ACADL: variants seen among roughly 807,000 people sequenced by gnomAD.
ACADL encodes acyl-CoA dehydrogenase long chain.
ACADL carries 60 observed loss-of-function variants against 56.9 expected under a neutral mutation model. The ratio of observed to expected loss-of-function variants is 1.05; its 90% CI spans 0.86 to 1.31. ACADL has a LOEUF of 1.31. Ranked by LOEUF, ACADL falls within the 50% of genes most tolerant of loss-of-function variation. The pLI, the probability that ACADL is intolerant of heterozygous loss-of-function variation, is 0.00. For synonymous variants in ACADL, 158 were observed against 179.7 expected (o/e 0.88, Z 0.97); for missense variants, 484 against 525.5 (o/e 0.92, Z 0.77).
At chr2:210,192,967 A>G in intron 9 of ACADL, 77 bp from the exon 10 acceptor site, 1 of 1,051,362 alleles carries the variant, frequency 9.5e-7, no homozygotes, top group Non-Finnish European at 1.5e-6. Context: ...CCAGAAAACT[A>G]ATTATTTACA....
At chr2:210,199,205 A>G (rs1688756578) in intron 8 of ACADL, among the ~76,000 whole-genome samples, 1 of 152,128 alleles carries the variant, frequency 6.6e-6, no homozygotes, top group Admixed American at 6.6e-5. Context: ...CTCTGAATAT[A>G]CTCCTAGCTT....
chr2:210,210,748 C>A (rs906267065), intron 4 of ACADL, among the ~76,000 whole-genome samples: 1 of 152,274 alleles, frequency 6.6e-6, no homozygotes, highest in Admixed American at 6.5e-5. Context: ...GAGTTTGAGA[C>A]CAGCCTGGGC....
chr2:210,220,915 T>A, intron 1 of ACADL, 113 bp from the exon 2 acceptor site: 1 of 877,366 alleles, frequency 1.1e-6, no homozygotes, highest in Non-Finnish European at 1.7e-6. Flanking sequence ...GAGAGGCAAG[T>A]AGAAAGAGTT....
In ACADL at chr2:210,220,650, G is replaced by T. The variant is rs367611133; in HGVS notation, c.230C>A (p.Ser77Ter). 31 of 1,612,676 alleles carry T rather than the reference G, an allele frequency of 1.9e-5. No individual in the cohort carries two copies. The highest frequency in any genetic ancestry group is 2.6e-5 in the Non-Finnish European group (31 of 1,179,384). ...FFQEEVIPHH[S>*]EWEKAGEVSR... ...TAGAGGAAAATGTGCCACTTACTCT[G>T]AGTGATGAGGAATCACTTCTTCTTG... Residue 77 changes from serine to a stop codon, truncating the protein, a stop_gained, in exon 2 of 11, where the codon TCA becomes TAA. Coordinates refer to ENST00000233710, the MANE Select transcript of ACADL (RefSeq NM_001608.4). LOFTEE classifies it high-confidence loss of function.
chr2:210,210,401 C>A, intron 4 of ACADL, 139 bp from the exon 5 acceptor site: 1 of 621,642 alleles, frequency 1.6e-6, no homozygotes. Context: ...AATGTTCACA[C>A]AATTGCACTG....
chr2:210,222,508 C>CAAAAAAAAAAAAAAAAAAAAAA (rs797000679), intron 1 of ACADL, among the ~76,000 whole-genome samples: 1 of 81,398 alleles, frequency 1.2e-5, no homozygotes, highest in African/African-American at 3.8e-5. Context: ...AACAAACAAA[C>CAAAAAAAAAAAAAAAAAAAAAA]AAAAAAAAAA....
At chr2:210,222,920 T>A (rs1243578298) in intron 1 of ACADL, among the ~76,000 whole-genome samples, 1 of 152,200 alleles carries the variant, frequency 6.6e-6, no homozygotes, top group Non-Finnish European at 1.5e-5. Flanking sequence ...TATTTGTCCA[T>A]ATAGATTTTC....
intron 10 of ACADL, among the ~76,000 whole-genome samples, chr2:210,190,927 T>C (rs944326840): frequency 1.3e-5 from 2 of 150,606 alleles, no homozygotes; most frequent in African/African-American, 4.9e-5. Context: ...TTGTTTGTTT[T>C]TTTTTTTTTG....
At chr2:210,191,378 T>A (rs1476061403) in intron 10 of ACADL, among the ~76,000 whole-genome samples, 1 of 152,182 alleles carries the variant, frequency 6.6e-6, no homozygotes, top group Admixed American at 6.5e-5. Context: ...AAATAAGCCA[T>A]CAATCTACAT....
In ACADL at chr2:210,195,104, A is replaced by T. The variant is rs530863396; in HGVS notation, c.1112+107T>A. On this transcript the variant is annotated intron_variant, in intron 9 of 10. Transcript: ENST00000233710. ...AAGTGGAGTCTCACTTTTATTTTTC[A>T]TTTCACAGATTTCTTCCTTTAAGAC... The T allele has an allele frequency of 6.9e-6, 10 of 1,441,944 alleles. No individual in the cohort carries two copies. The South Asian group carries it at 1.2e-4, about 17-fold the overall frequency. 89.3% of individuals were successfully genotyped at this position (1,441,944 alleles called of 1,614,324 possible). A position where few individuals can be genotyped will look rare whatever the true frequency, so the allele number is the denominator to read the frequency against.
chr2:210,194,128 AGGTCAAT>A (rs1305530813), intron 9 of ACADL, among the ~76,000 whole-genome samples: 2 of 152,140 alleles, frequency 1.3e-5, no homozygotes, highest in African/African-American at 4.8e-5. Context: ...TCAAATAACA[AGGTCAAT>A]GGCTATCCAA....
At chr2:210,205,202 T>C (rs1688863257) in intron 6 of ACADL, among the ~76,000 whole-genome samples, 1 of 151,954 alleles carries the variant, frequency 6.6e-6, no homozygotes, top group African/African-American at 2.4e-5. Flanking sequence ...AATTTTTTAT[T>C]ATTAGTAGAG....
chr2:210,220,636 G>C lies in ACADL; in HGVS notation c.233+11C>G. 1 of 1,612,044 alleles carries C rather than the reference G, an allele frequency of 6.2e-7. No individual in the cohort carries two copies. The highest frequency in any genetic ancestry group is 1.1e-5 in the South Asian group (1 of 90,932). ...AGTATACATTACATTAGAGGAAAAT[G>C]TGCCACTTACTCTGAGTGATGAGGA... is the stretch of plus-strand genomic sequence containing the variant. On this transcript the variant is annotated intron_variant, in intron 2 of 10. Transcript: ENST00000233710.
chr2:210,204,795 G>A (rs753229172), intron 6 of ACADL, 113 bp from the exon 7 acceptor site: 72 of 876,584 alleles, frequency 8.2e-5, no homozygotes, highest in Non-Finnish European at 1.3e-4. Context: ...CAAATTGGAA[G>A]CCAAGTTGGA....
Position 210,216,385 on chromosome 2 carries a change from A to G in ACADL, c.498T>C (p.Cys166=). 1 of 1,613,898 alleles carries G rather than the reference A, an allele frequency of 6.2e-7. No homozygotes were observed. The highest frequency in any genetic ancestry group is 1.7e-4 in the Middle Eastern group (1 of 6,060). ...GCTCTGTCATTGCTATTGCACCAAT[A>G]CATTTGCCTGCAGTCATCTGGGGAA... is the stretch of plus-strand genomic sequence containing the variant. ...HFIPQMTAGK[C]IGAIAMTEPG... Residue 166 remains cysteine, a synonymous_variant, in exon 4 of 11, where the codon TGT becomes TGC. Coordinates refer to ENST00000233710, the MANE Select transcript of ACADL (RefSeq NM_001608.4).
At chr2:210,217,093 A>G (rs559741160) in intron 3 of ACADL, among the ~76,000 whole-genome samples, 11 of 152,108 alleles carry the variant, frequency 7.2e-5, no homozygotes, top group Admixed American at 5.9e-4. Context: ...TTTTACATAT[A>G]TTTTAATCTT....
intron 4 of ACADL, among the ~76,000 whole-genome samples, chr2:210,210,945 A>T (rs192020975): frequency 3.4e-5 from 5 of 148,476 alleles, no homozygotes; most frequent in Admixed American, 2.7e-4. Context: ...GAATTTGTCT[A>T]AAAAAAAAAG....
Position 210,213,076 on chromosome 2 carries a change from A to G in ACADL, c.537-2814T>C, listed in dbSNP as rs555200153. On this transcript the variant is annotated intron_variant, in intron 4 of 10. Transcript: ENST00000233710. ...GGTACATGCCAGGCAGAGGGTGCCT[A>G]TATGACCGACCTCCACTATAAACAA... 4.6e-5 allele frequency among the ~76,000 whole-genome samples: 7 copies of G among 152,380 alleles called. No individual in the cohort carries two copies. The East Asian group carries it at 1.3e-3, about 29-fold the overall frequency.
At chr2:210,191,337 A>T (rs1044392615) in intron 10 of ACADL, among the ~76,000 whole-genome samples, 1 of 152,234 alleles carries the variant, frequency 6.6e-6, no homozygotes, top group Non-Finnish European at 1.5e-5. Flanking sequence ...TAAAGAGAAT[A>T]TAAGTCTCTC....
Sources: allele counts gnomAD v4.1 joint callset (sites outside exome capture counted in the v4.1 genomes callset), GRCh38; gene constraint gnomAD v4.1.1; transcripts MANE v1.5; gene names NCBI Gene and HGNC (gene_info 2026-07-23, HGNC 2026-07-21).